The following SCUBE1 variants were observed in gnomAD, a reference collection of about 807,000 sequenced individuals.
SCUBE1 encodes signal peptide, CUB domain and EGF like domain containing 1.
SCUBE1 carries 59 observed loss-of-function variants against 124.4 expected under a neutral mutation model. That is an observed-to-expected ratio of 0.47 (90% CI 0.38 to 0.59). The LOEUF (loss-of-function observed/expected upper bound fraction) is 0.59. Among genes scored for constraint, SCUBE1 ranks in the 20% least tolerant of loss-of-function variants. The pLI is 0.00. For synonymous variants in SCUBE1, 545 were observed against 550.9 expected (o/e 0.99, Z 0.15); for missense variants, 1,150 against 1,371.2 (o/e 0.84, Z 2.55).
Position 43,255,383 on chromosome 22 carries a change from GCA to G in SCUBE1, c.727+2834_727+2835del, listed in dbSNP as rs745719392. 5.9e-5 allele frequency: 58 copies of G among 979,314 alleles called. No individual in the cohort carries two copies. The highest frequency in any genetic ancestry group is 8.1e-5 in the Admixed American group (4 of 49,506). 60.7% of individuals were successfully genotyped at this position (979,314 alleles called of 1,614,324 possible). On this transcript the variant is annotated intron_variant, in intron 6 of 21. Coordinates refer to ENST00000360835, the MANE Select transcript of SCUBE1 (RefSeq NM_173050.5). This position sits in a 1 kb window ranked among gnomAD's most constrained non-coding sequence, Gnocchi z 4.7. Reference sequence around the variant, plus strand: ...CACGCACACGTCACACCCACACACAGCACACACACGCCCATGTCCACATGCCA... The same window carrying G: ...CACGCACACGTCACACCCACACACAGCACACACGCCCATGTCCACATGCCA...
intron 3 of SCUBE1, among the ~76,000 whole-genome samples, chr22:43,293,527 C>A (rs1183999415): frequency 6.6e-6 from 1 of 152,252 alleles, no homozygotes; most frequent in Admixed American, 6.5e-5. Flanking sequence ...CCAGTGTCAA[C>A]TTGAGCACGT....
intron 3 of SCUBE1, among the ~76,000 whole-genome samples, chr22:43,316,042 G>A (rs1672187225): frequency 6.6e-6 from 1 of 152,146 alleles, no homozygotes; most frequent in Admixed American, 6.5e-5. Context: ...CGAGGTCTTG[G>A]AGGCATCAAA....
At chr22:43,291,299 C>A (rs5751472) in intron 3 of SCUBE1, 119 bp from the exon 4 acceptor site, 81,845 of 1,076,956 alleles carry the variant, frequency 0.076, 9,058 homozygotes, top group East Asian at 0.49. Flanking sequence ...GGGAGGGACT[C>A]CAGAGAGGGC....
intron 3 of SCUBE1, among the ~76,000 whole-genome samples, chr22:43,306,214 T>G (rs1925964000): frequency 6.6e-6 from 1 of 152,208 alleles, no homozygotes; most frequent in African/African-American, 2.4e-5. Context: ...AATGTCCCCT[T>G]TTAGGGCCAC....
rs763279248 is a variant in SCUBE1, at chr22:43,211,045, G to A, written c.2260C>T (p.His754Tyr). The A allele has an allele frequency of 3.1e-6, 5 of 1,613,826 alleles. No homozygotes were observed. The highest frequency in any genetic ancestry group is 4.2e-6 in the Non-Finnish European group (5 of 1,179,878). ...CCGACGGGGCAGCGGATGCAGCGGTGGGTGGTGGTGTTGTAGTGGTGGCCG... is the reference window on the plus strand; with the variant it reads ...CCGACGGGGCAGCGGATGCAGCGGTAGGTGGTGGTGTTGTAGTGGTGGCCG... ...SPGHHYNTTT[H>Y]RCIRCPVGTY... is the part of the protein sequence containing the mutation. Residue 754 changes from histidine (H) to tyrosine (Y), a missense_variant, in exon 18 of 22, where the codon CAC becomes TAC. This residue lies in a region of SCUBE1 where 757 missense variants were observed against 840.9 expected (regional missense o/e 0.90). Transcript: ENST00000360835. This position sits in a 1 kb window ranked among gnomAD's most constrained non-coding sequence, Gnocchi z 4.5.
At chr22:43,339,921 CA>C (rs143188977) in intron 1 of SCUBE1, among the ~76,000 whole-genome samples, 6 of 24,890 alleles carry the variant, frequency 2.4e-4, no homozygotes, top group African/African-American at 1.1e-3. Context: ...TCTACCCCCC[CA>C]ACAAGCATAG....
At chr22:43,325,918 A>G (rs1003044994) in intron 2 of SCUBE1, among the ~76,000 whole-genome samples, 13 of 151,364 alleles carry the variant, frequency 8.6e-5, no homozygotes, top group Non-Finnish European at 1.6e-4. Context: ...TTTGGAACCC[A>G]TATAGGGTGA....
At chr22:43,340,094 G>T (rs1927259994) in intron 1 of SCUBE1, among the ~76,000 whole-genome samples, 1 of 151,272 alleles carries the variant, frequency 6.6e-6, no homozygotes, top group Admixed American at 6.6e-5. Flanking sequence ...GCCATGCCAG[G>T]AGGCTCCTGC....
At chr22:43,267,524 G>C (rs542790077) in intron 4 of SCUBE1, among the ~76,000 whole-genome samples, 1 of 152,200 alleles carries the variant, frequency 6.6e-6, no homozygotes, top group Admixed American at 6.5e-5. Context: ...TAAAGGCTCT[G>C]AGAAGTCCTG....
At chr22:43,214,046 C>CGGGGGGGGGGGGGGGGGGGGGGG in intron 16 of SCUBE1, 44 bp downstream of exon 16, 2 of 422,702 alleles carry the variant, frequency 4.7e-6, no homozygotes, top group Non-Finnish European at 8.3e-6. Context: ...GAGGAGCCCC[C>CGGGGGGGGGGGGGGGGGGGGGGG]GCCCACCCCC....
At chr22:43,298,029 A>T (rs887951346) in intron 3 of SCUBE1, among the ~76,000 whole-genome samples, 3 of 152,246 alleles carry the variant, frequency 2.0e-5, no homozygotes, top group Non-Finnish European at 2.9e-5. Flanking sequence ...ACCTGGTCCC[A>T]GGGGGCTGAG....
Position 43,197,423 on chromosome 22 carries a change from C to A in SCUBE1, c.*6574G>T, listed in dbSNP as rs1394996324. The A allele has an allele frequency of 6.6e-6, 1 of 152,258 alleles. No homozygotes were observed. The highest frequency in any genetic ancestry group is 1.5e-5 in the Non-Finnish European group (1 of 68,048). 9.4% of individuals were successfully genotyped at this position (152,258 alleles called of 1,614,324 possible). On this transcript the variant is annotated 3_prime_UTR_variant, in exon 22 of 22. Transcript: ENST00000360835. ...TGGTTATGTTGGTATTTGCCACTTG[C>A]AGGCAGAGTCGTTGCCAAGCGTCTG...
intron 6 of SCUBE1, among the ~76,000 whole-genome samples, chr22:43,254,727 C>T (rs1019871939): frequency 6.6e-6 from 1 of 152,240 alleles, no homozygotes; most frequent in African/African-American, 2.4e-5. Flanking sequence ...CAGCTACGCT[C>T]AGGAGGTCTT....
Position 43,204,091 on chromosome 22 carries a change from T to C in SCUBE1, c.2873A>G (p.Lys958Arg), listed in dbSNP as rs1487275444. 3.1e-6 allele frequency: 5 copies of C among 1,614,076 alleles called. No individual in the cohort carries two copies. The highest frequency in any genetic ancestry group is 2.2e-5 in the South Asian group (2 of 91,078). Residue 958 changes from lysine to arginine, a missense_variant, in exon 22 of 22, where the codon AAG becomes AGG. By Grantham distance (26) the Lys-to-Arg change is conservative. Coordinates refer to ENST00000360835, the MANE Select transcript of SCUBE1 (RefSeq NM_173050.5). ...DVLAHPQNYF[K>R]YTAQESKEMF... ...CTCCTTGGATTCCTGGGCTGTGTAC[T>C]TGAAGTAGTTCTGGGGATGCGCCAG...
At chr22:43,222,349 G>A (rs1426007558) in intron 12 of SCUBE1, among the ~76,000 whole-genome samples, 1 of 152,238 alleles carries the variant, frequency 6.6e-6, no homozygotes, top group East Asian at 1.9e-4. Flanking sequence ...CATACAGTCT[G>A]AGATCTGTGC....
rs1292742251 is a variant in SCUBE1 at position 43,238,916 on chromosome 22, A to G, written c.766T>C (p.Cys256Arg). The G allele has an allele frequency of 1.9e-6, 3 of 1,613,070 alleles. No individual in the cohort carries two copies. The highest frequency in any genetic ancestry group is 2.5e-6 in the Non-Finnish European group (3 of 1,179,986). ...AVNNGGCDRT[C>R]KDTATGVRCS... ...CGCACGCCAGTGGCTGTGTCCTTGC[A>G]TGTCCGGTCGCAGCCTCCGTTATTG... The change falls in exon 7 of 22, where the codon TGC becomes CGC. Residue 256 changes from cysteine to arginine, a missense_variant. This residue lies in a region of SCUBE1 where 337 missense variants were observed against 482.1 expected (regional missense o/e 0.70). Coordinates refer to ENST00000360835, the MANE Select transcript of SCUBE1 (RefSeq NM_173050.5).
chr22:43,294,801 C>T (rs1039907788), intron 3 of SCUBE1, among the ~76,000 whole-genome samples: 9 of 152,144 alleles, frequency 5.9e-5, no homozygotes, highest in Non-Finnish European at 1.3e-4. Context: ...TGTGGCTGGC[C>T]CCGTGTGAGA....
intron 10 of SCUBE1, among the ~76,000 whole-genome samples, chr22:43,224,803 G>T (rs1922238493): frequency 6.6e-6 from 1 of 152,112 alleles, no homozygotes; most frequent in Admixed American, 6.5e-5. Context: ...TTTGACTGAT[G>T]AAAGTGATGA....
chr22:43,310,307 C>T (rs754668204), intron 3 of SCUBE1, among the ~76,000 whole-genome samples: 9 of 152,160 alleles, frequency 5.9e-5, no homozygotes, highest in Non-Finnish European at 1.0e-4. Flanking sequence ...CCCCTTACCC[C>T]GGGCAGACCT....
Sources: allele counts gnomAD v4.1 joint callset (sites outside exome capture counted in the v4.1 genomes callset), GRCh38; gene constraint gnomAD v4.1.1; regional missense constraint gnomAD v4.1.1; non-coding constraint Gnocchi (gnomAD v3.1); transcripts MANE v1.5; gene names NCBI Gene and HGNC (gene_info 2026-07-23, HGNC 2026-07-21).